The following PRMT3 variants were observed in gnomAD, a reference collection of about 807,000 sequenced individuals.
The protein encoded by PRMT3 is protein arginine N-methyltransferase 3.
In PRMT3, 62 loss-of-function variants were observed where a neutral mutation model predicts 71.9. The observed-to-expected ratio is 0.86, with a 90% CI of 0.70 to 1.07. The LOEUF (loss-of-function observed/expected upper bound fraction) is 1.07. Among genes scored for constraint, PRMT3 ranks in the 50% least tolerant of loss-of-function variants. The pLI, the probability that PRMT3 is intolerant of heterozygous loss-of-function variation, is 0.00. For synonymous variants in PRMT3, 213 were observed against 220.4 expected, an observed-to-expected ratio of 0.97 and a Z score of 0.30; for missense variants, 663 against 643.0, an observed-to-expected ratio of 1.03 and a Z score of -0.34.
chr11:20,389,653 TAAAA>T (rs56308542), intron 2 of PRMT3, 87 bp from the exon 3 acceptor site: 498,725 of 662,622 alleles, frequency 0.75, 178,310 homozygotes, highest in Middle Eastern at 0.83. Context: ...CCAGCAGAGT[TAAAA>T]AAAAAAAAAA....
At position 20,508,933 on chromosome 11, in the gene PRMT3, C is replaced by A. The variant is rs942566696; in HGVS notation, c.*520C>A. ...CTAAAATATGGAAAAGAGCTTCAGC[C>A]TTCATATACAAATCATATATGCAGA... On this transcript the variant is annotated 3_prime_UTR_variant, in exon 16 of 16. Transcript: ENST00000331079. The A allele has an allele frequency of 5.4e-6, 1 of 184,064 alleles. No homozygotes were observed. Among genetic ancestry groups the A allele is most frequent in the Non-Finnish European group, 1.2e-5 (1 of 85,840 alleles). 11.4% of individuals were successfully genotyped at this position (184,064 alleles called of 1,614,324 possible).
intron 11 of PRMT3, among the ~76,000 whole-genome samples, chr11:20,457,845 C>T (rs1850302022): frequency 6.6e-6 from 1 of 152,118 alleles, no homozygotes; most frequent in South Asian, 2.1e-4. Flanking sequence ...GCATTTTTCA[C>T]ATTTATTAGT....
chr11:20,440,118 A>G (rs1024033500), intron 10 of PRMT3, among the ~76,000 whole-genome samples: 4 of 152,242 alleles, frequency 2.6e-5, no homozygotes, highest in Admixed American at 2.6e-4. Context: ...TTCTAAATGG[A>G]AAAAGAGCTT....
At chr11:20,443,013 G>A (rs1849944190) in intron 10 of PRMT3, among the ~76,000 whole-genome samples, 1 of 152,148 alleles carries the variant, frequency 6.6e-6, no homozygotes, top group Non-Finnish European at 1.5e-5. Flanking sequence ...AGAAAGGGAA[G>A]GAGAGGGCAA....
At chr11:20,493,144 A>AT (rs398115124) in intron 13 of PRMT3, among the ~76,000 whole-genome samples, 1 of 151,456 alleles carries the variant, frequency 6.6e-6, no homozygotes, top group East Asian at 1.9e-4. Flanking sequence ...AAAAAAAAAA[A>AT]TCTTTTTGTA....
chr11:20,404,243 T>TTGTTTTGTTTTGTTTTG (rs753374774), intron 8 of PRMT3, among the ~76,000 whole-genome samples: 1 of 70,588 alleles, frequency 1.4e-5, no homozygotes, highest in East Asian at 3.0e-4. Flanking sequence ...TTTTTTTTTT[T>TTGTTTTGTTTTGTTTTG]TTTTTTTTTG....
intron 13 of PRMT3, among the ~76,000 whole-genome samples, chr11:20,482,218 A>G (rs1156444176): frequency 6.8e-6 from 1 of 146,124 alleles, no homozygotes; most frequent in Admixed American, 6.7e-5. Context: ...TTTCAGAGAC[A>G]TTAAAGAAAT....
At chr11:20,406,593 T>C (rs900843250) in intron 8 of PRMT3, 4 of 152,238 alleles carry the variant, frequency 2.6e-5, no homozygotes, top group African/African-American at 9.6e-5. Context: ...GTTGTGAATA[T>C]TGCTGCTATT....
chr11:20,450,188 A>T (rs1463975388), intron 10 of PRMT3, among the ~76,000 whole-genome samples: 2 of 152,186 alleles, frequency 1.3e-5, no homozygotes, highest in African/African-American at 2.4e-5. Context: ...CTTAATTTGT[A>T]CTAAAGTGTT....
At chr11:20,474,855 T>C (rs975811410) in intron 13 of PRMT3, among the ~76,000 whole-genome samples, 1 of 152,272 alleles carries the variant, frequency 6.6e-6, no homozygotes, top group African/African-American at 2.4e-5. Context: ...TTATGCAGCT[T>C]GTCTTTTCTA....
intron 13 of PRMT3, among the ~76,000 whole-genome samples, chr11:20,475,035 A>C (rs958738112): frequency 1.3e-5 from 2 of 152,168 alleles, no homozygotes; most frequent in Admixed American, 1.3e-4. Context: ...TAAATAAGGA[A>C]GGGGTAGGCT....
At chr11:20,392,623 T>G (rs1330007178) in intron 4 of PRMT3, among the ~76,000 whole-genome samples, 1 of 137,538 alleles carries the variant, frequency 7.3e-6, no homozygotes, top group Non-Finnish European at 1.5e-5. Context: ...AGATACTTTG[T>G]TTTTTTTTTT....
At chr11:20,411,384 T>G (rs1461743172) in intron 9 of PRMT3, among the ~76,000 whole-genome samples, 1 of 152,130 alleles carries the variant, frequency 6.6e-6, no homozygotes, top group Non-Finnish European at 1.5e-5. Context: ...GAAGTACATA[T>G]GTCAAACTAG....
At chr11:20,447,540 C>T (rs1236224711) in intron 10 of PRMT3, among the ~76,000 whole-genome samples, 1 of 152,066 alleles carries the variant, frequency 6.6e-6, no homozygotes, top group African/African-American at 2.4e-5. Context: ...TATAAAGGTA[C>T]TTGACCTGGT....
At chr11:20,476,522 T>C (rs1234179608) in intron 13 of PRMT3, among the ~76,000 whole-genome samples, 1 of 152,114 alleles carries the variant, frequency 6.6e-6, no homozygotes, top group African/African-American at 2.4e-5. Flanking sequence ...GTTAATAAAT[T>C]TTACGGCCAA....
At chr11:20,427,706 A>G (rs936752713) in intron 10 of PRMT3, among the ~76,000 whole-genome samples, 1 of 152,158 alleles carries the variant, frequency 6.6e-6, no homozygotes, top group Non-Finnish European at 1.5e-5. Context: ...AACCTGGGTG[A>G]CAGAGCGAGA....
In PRMT3 at chr11:20,401,055, A is replaced by G. The variant is rs144419615; in HGVS notation, c.706-1864A>G. On this transcript the variant is annotated intron_variant, in intron 7 of 15. Transcript: ENST00000331079. ...CTATGTTTTGTATACTTTGGATTTC[A>G]TTACACCAGCATGAGCATACAAACA... Among the ~76,000 whole-genome samples the G allele has an allele frequency of 9.9e-4, 151 of 152,090 alleles. 1 individual carries two copies. Among genetic ancestry groups the G allele is most frequent in the African/African-American group, 3.3e-3 (135 of 41,490 alleles).
chr11:20,407,964 A>C lies in PRMT3; in HGVS notation c.825A>C (p.Lys275Asn). 6.2e-7 allele frequency: 1 copy of C among 1,608,708 alleles called. No individual in the cohort carries two copies. The highest frequency in any genetic ancestry group is 8.5e-7 in the Non-Finnish European group (1 of 1,175,178). ...GAATTCTCTCTATGTTTGCTGCTAA[A>C]GCTGGGGCGAAGAAGGTTCTTGGAG... ...GTGILSMFAA[K>N]AGAKKVLGVD... The change falls in exon 9 of 16, where the codon AAA becomes AAC. Residue 275 changes from lysine to asparagine, a missense_variant. Physicochemically the swap from Lys to Asn is moderately conservative, Grantham distance 94 (BLOSUM62 0). Transcript: ENST00000331079.
intron 10 of PRMT3, 54 bp from the exon 11 acceptor site, chr11:20,452,076 C>T (rs1209334950): frequency 6.9e-6 from 9 of 1,310,252 alleles, no homozygotes; most frequent in Non-Finnish European, 9.8e-6. Context: ...AATTGACCTG[C>T]TTATGAGAGT....
Sources: allele counts gnomAD v4.1 joint callset (sites outside exome capture counted in the v4.1 genomes callset), GRCh38; gene constraint gnomAD v4.1.1; transcripts MANE v1.5; gene names NCBI Gene and HGNC (gene_info 2026-07-23, HGNC 2026-07-21).